The following MRTFB variants were observed in gnomAD, a reference collection of about 807,000 sequenced individuals.
MRTFB encodes the protein myocardin-related transcription factor B.
In MRTFB, 29 loss-of-function variants were observed where a neutral mutation model predicts 104.2. The ratio of observed to expected loss-of-function variants is 0.28; its 90% CI spans 0.21 to 0.38. MRTFB has a LOEUF of 0.38. MRTFB is among the 10% of genes least tolerant of loss of function. MRTFB has a pLI of 1.00. For missense variants in MRTFB, 1,270 were observed against 1,341.6 expected, an observed-to-expected ratio of 0.95 and a Z score of 0.83; for synonymous variants, 535 against 519.5, an observed-to-expected ratio of 1.03 and a Z score of -0.41.
intron 3 of MRTFB, among the ~76,000 whole-genome samples, chr16:14,156,032 C>T (rs371980400): frequency 1.2e-4 from 18 of 152,186 alleles, no homozygotes; most frequent in African/African-American, 3.9e-4. Context: ...GTGATTTCTC[C>T]CTCCTCTTAC....
intron 10 of MRTFB, among the ~76,000 whole-genome samples, chr16:14,242,075 AT>A (rs1458544579): frequency 1.1e-4 from 16 of 151,918 alleles, no homozygotes; most frequent in African/African-American, 3.6e-4. Flanking sequence ...CATCATCCTC[AT>A]CCTCGCCTCA....
rs775041214 is a variant in MRTFB at position 14,261,215 on chromosome 16, G to C, written c.3071G>C (p.Gly1024Ala). The change falls in exon 17 of 17, where the codon GGT (glycine) becomes GCT (alanine). Residue 1024 changes from glycine (G) to alanine (A), a missense_variant. Around this residue, in one of 3 missense-constraint regions of MRTFB, gnomAD observed 1,144 missense variants for 1,131.5 expected, o/e 1.01. Coordinates refer to ENST00000571589, the MANE Select transcript of MRTFB (RefSeq NM_001308142.2). ...DLQNDLLSHS[G>A]MLDHSHSPME... ...CAGAATGATCTGCTGAGTCACTCAG[G>C]TATGCTGGACCATTCACACTCACCC... The C allele has an allele frequency of 6.2e-7, 1 of 1,614,094 alleles. No individual in the cohort carries two copies. The highest frequency in any genetic ancestry group is 1.7e-5 in the Admixed American group (1 of 60,016).
chr16:14,017,961 A>C, the MRTFB span, among the ~76,000 whole-genome samples: 1 of 151,652 alleles, frequency 6.6e-6, no homozygotes, highest in African/African-American at 2.4e-5. Flanking sequence ...GCCCCAAGCA[A>C]TCCTCCTGCC....
In MRTFB at chr16:14,161,729, C is replaced by T. The variant is rs145195464; in HGVS notation, c.154+20969C>T. Among the ~76,000 whole-genome samples the T allele has an allele frequency of 5.7e-4, 86 of 152,208 alleles. 1 individual carries two copies. The highest frequency in any genetic ancestry group is 2.0e-3 in the African/African-American group (84 of 41,540). Reference sequence around the variant, plus strand: ...TCTTTAGCATATAGAAGGACTTCTACACGCCAGTATAATCAGTGGACAAGA... The same window carrying T: ...TCTTTAGCATATAGAAGGACTTCTATACGCCAGTATAATCAGTGGACAAGA... On this transcript the variant is annotated intron_variant, in intron 3 of 16. Transcript: ENST00000571589.
In MRTFB at chr16:14,262,218, T is replaced by C. The variant is rs2043804277; in HGVS notation, c.*774T>C. 6.6e-6 allele frequency: 1 copy of C among 152,262 alleles called. No homozygotes were observed. The highest frequency in any genetic ancestry group is 2.4e-5 in the African/African-American group (1 of 41,466). 9.4% of individuals were successfully genotyped at this position (152,262 alleles called of 1,614,324 possible). A position where few individuals can be genotyped will look rare whatever the true frequency, so the allele number is the denominator to read the frequency against. On this transcript the variant is annotated 3_prime_UTR_variant, in exon 17 of 17. Coordinates refer to ENST00000571589, the MANE Select transcript of MRTFB (RefSeq NM_001308142.2). ...GTTAGATTGATTTTAATGTATATAT[T>C]AGACATTTGTATGTATGCTCTGACA...
At position 14,075,079 on chromosome 16, in the gene MRTFB, C is replaced by T. The variant is rs538217402; in HGVS notation, c.-129+3714C>T. 3.3e-5 allele frequency among the ~76,000 whole-genome samples: 5 copies of T among 152,212 alleles called. No homozygotes were observed. In the East Asian group the frequency reaches 9.6e-4, roughly 29 times the overall value. On this transcript the variant is annotated intron_variant, in intron 1 of 16. Transcript: ENST00000571589. ...ATGAAAGTTTTCTCAAATGGGACGT[C>T]CTTAAATTGGATCTCAGTGAATTAT...
intron 2 of MRTFB, among the ~76,000 whole-genome samples, chr16:14,081,440 C>T (rs2034394661): frequency 6.6e-6 from 1 of 152,030 alleles, no homozygotes; most frequent in Non-Finnish European, 1.5e-5. Context: ...TTACAGGCAT[C>T]CGCCATCATG....
chr16:14,246,211 T>TC, intron 11 of MRTFB, among the ~76,000 whole-genome samples: 1 of 152,244 alleles, frequency 6.6e-6, no homozygotes, highest in African/African-American at 2.4e-5. Context: ...ATCATCATCA[T>TC]AATTCCTGGT....
chr16:14,155,241 A>G (rs4781579), intron 3 of MRTFB, among the ~76,000 whole-genome samples: 8,872 of 151,932 alleles, frequency 0.058, 506 homozygotes, highest in East Asian at 0.3. Context: ...TTTAAAATGC[A>G]TATCTAATAT....
the MRTFB span, among the ~76,000 whole-genome samples, chr16:14,010,126 A>G: frequency 2.0e-5 from 3 of 152,168 alleles, no homozygotes; most frequent in Non-Finnish European, 4.4e-5. Flanking sequence ...TTGAGCTTAG[A>G]TTAGAAGCTG....
At chr16:14,247,651 T>G (rs2043081142) in intron 12 of MRTFB, 144 bp downstream of exon 12, 1 of 704,060 alleles carries the variant, frequency 1.4e-6, no homozygotes, top group Non-Finnish European at 2.3e-6. Context: ...GTGAGAGGGT[T>G]ATTCAGAAAT....
At chr16:14,145,824 C>G (rs936374985) in intron 3 of MRTFB, among the ~76,000 whole-genome samples, 2 of 152,182 alleles carry the variant, frequency 1.3e-5, no homozygotes, top group African/African-American at 4.8e-5. Context: ...AAAAAGGAAA[C>G]CAGTCAAAGG....
At chr16:14,017,687 G>GTGTATATATATATA in the MRTFB span, among the ~76,000 whole-genome samples, 3 of 6,808 alleles carry the variant, frequency 4.4e-4, no homozygotes, top group Non-Finnish European at 1.4e-3. Context: ...GTGTGTGTGT[G>GTGTATATATATATA]TATATATATA....
intron 3 of MRTFB, among the ~76,000 whole-genome samples, chr16:14,165,238 G>A (rs191607089): frequency 4.6e-5 from 7 of 152,160 alleles, no homozygotes; most frequent in Admixed American, 4.6e-4. Context: ...AGCATGTGGT[G>A]CATGGATGAT....
chr16:14,160,169 A>G (rs1461985903), intron 3 of MRTFB, among the ~76,000 whole-genome samples: 3 of 152,214 alleles, frequency 2.0e-5, no homozygotes, highest in Admixed American at 6.5e-5. Context: ...GATCTAGTCA[A>G]GTATCACTCA....
intron 6 of MRTFB, chr16:14,214,822 C>T (rs982764939): frequency 6.6e-6 from 1 of 152,166 alleles, no homozygotes; most frequent in Non-Finnish European, 1.5e-5. Context: ...CAAGTAGGGG[C>T]TCTTCTATTG....
intron 2 of MRTFB, among the ~76,000 whole-genome samples, chr16:14,120,050 T>C (rs182732840): frequency 6.6e-6 from 1 of 152,376 alleles, no homozygotes; most frequent in East Asian, 1.9e-4. Flanking sequence ...ATTTCCTTCA[T>C]TTCTAGTGAA....
chr16:14,000,463 C>T, the MRTFB span, among the ~76,000 whole-genome samples: 5 of 152,196 alleles, frequency 3.3e-5, no homozygotes, highest in South Asian at 2.1e-4. Flanking sequence ...AGTCAAGGGC[C>T]GGGGTCTCCC....
chr16:13,996,723 AG>A, the MRTFB span, among the ~76,000 whole-genome samples: 1 of 152,228 alleles, frequency 6.6e-6, no homozygotes, highest in Non-Finnish European at 1.5e-5. Context: ...TGAGAGTCTA[AG>A]AGAGGGATAG....
Sources: allele counts gnomAD v4.1 joint callset (sites outside exome capture counted in the v4.1 genomes callset), GRCh38; gene constraint gnomAD v4.1.1; regional missense constraint gnomAD v4.1.1; transcripts MANE v1.5; gene names NCBI Gene and HGNC (gene_info 2026-07-23, HGNC 2026-07-21).